The following CSPP1 variants were observed in gnomAD, a reference collection of about 807,000 sequenced individuals.
The protein encoded by CSPP1 is centrosome and spindle pole-associated protein 1.
Under a neutral mutation model 164.4 loss-of-function variants are expected in CSPP1, and 126 were observed. That is an observed-to-expected ratio of 0.77 (90% CI 0.66 to 0.89). The LOEUF is 0.89. Among genes scored for constraint, CSPP1 ranks in the 40% least tolerant of loss-of-function variants. The probability of loss-of-function intolerance (pLI) is 0.00; values close to 1 mark genes in which losing one functional copy is unlikely to be tolerated. For missense variants in CSPP1, 1,395 were observed against 1,449.8 expected (o/e 0.96, Z 0.61); for synonymous variants, 472 against 476.7 (o/e 0.99, Z 0.13).
At chr8:67,158,694 G>A in intron 20 of CSPP1, 98 bp downstream of exon 20, 1 of 1,401,042 alleles carries the variant, frequency 7.1e-7, no homozygotes, top group Non-Finnish European at 9.5e-7. Flanking sequence ...AACAGTGTTG[G>A]AGTACATTTA....
chr8:67,149,454 T>C (rs1234236246), intron 17 of CSPP1, among the ~76,000 whole-genome samples: 2 of 152,202 alleles, frequency 1.3e-5, no homozygotes, highest in Non-Finnish European at 2.9e-5. Context: ...ATGAGTTGTT[T>C]TAAATTGTTG....
At chr8:67,135,904 C>T (rs1822159943) in intron 16 of CSPP1, 1 of 152,186 alleles carries the variant, frequency 6.6e-6, no homozygotes, top group South Asian at 2.1e-4. Flanking sequence ...CAAACACTTA[C>T]ATGCCATTGT....
rs1837816974 is a variant in CSPP1, at chr8:67,195,755, AAAAG to A, written c.*163_*166del. On this transcript the variant is annotated 3_prime_UTR_variant, in exon 31 of 31. Transcript: ENST00000678616. ...CATGATGTATATTATGTACATAAAT[AAAAG>A]GCCATGATTATTGATTTATATAATA... The A allele has an allele frequency of 3.3e-6, 2 of 607,798 alleles. No homozygotes were observed. The highest frequency in any genetic ancestry group is 5.9e-6 in the Non-Finnish European group (2 of 339,182). The allele number at this position is 607,798 out of a possible 1,614,324, so 37.7% of individuals were successfully genotyped here. A position where few individuals can be genotyped will look rare whatever the true frequency, so the allele number is the denominator to read the frequency against.
intron 28 of CSPP1, among the ~76,000 whole-genome samples, chr8:67,181,338 ATTTTTTTT>A (rs58029238): frequency 5.3e-5 from 6 of 112,642 alleles, no homozygotes; most frequent in South Asian, 2.9e-4. Context: ...GTACCTGGCC[ATTTTTTTT>A]TTTTTTTTTT....
rs34484092 is a variant in CSPP1 at position 67,122,874 on chromosome 8, C to CTGTG, written c.1697+4071_1697+4074dup. 2.7e-4 allele frequency among the ~76,000 whole-genome samples: 40 copies of CTGTG among 149,372 alleles called. No individual in the cohort carries two copies. In the South Asian group the frequency reaches 2.8e-3, roughly 10 times the overall value. On this transcript the variant is annotated intron_variant, in intron 15 of 30. Transcript: ENST00000678616. ...GTGTGTTCTGATATACAGTCTTGCT[C>CTGTG]TGTGTGTGTGTGTGTGTGTGTTTGT...
intron 26 of CSPP1, 105 bp from the exon 27 acceptor site, chr8:67,177,575 G>C (rs1273157849): frequency 1.4e-6 from 1 of 708,594 alleles, no homozygotes. Context: ...TAGTTGAAAA[G>C]TAATTTCCAG....
At chr8:67,177,070 C>CA (rs36084458) in intron 26 of CSPP1, among the ~76,000 whole-genome samples, 4,936 of 50,070 alleles carry the variant, frequency 0.099, 272 homozygotes, top group Non-Finnish European at 0.12. Flanking sequence ...GACTTAGTCT[C>CA]AAAAAAAAAA....
chr8:67,104,070 A>G (rs984783473), intron 8 of CSPP1, among the ~76,000 whole-genome samples: 14 of 152,124 alleles, frequency 9.2e-5, no homozygotes, highest in African/African-American at 3.4e-4. Flanking sequence ...TGTGTCGTAC[A>G]TAAGGATAAA....
chr8:67,123,179 G>A (rs944447783), intron 15 of CSPP1: 1 of 152,214 alleles, frequency 6.6e-6, no homozygotes, highest in African/African-American at 2.4e-5. Flanking sequence ...ATATAGCCAT[G>A]AGCCACCACA....
chr8:67,173,762 C>CAA (rs1347865712), intron 25 of CSPP1: 1 of 152,136 alleles, frequency 6.6e-6, no homozygotes, highest in Admixed American at 6.6e-5. Context: ...TTTATGCTAT[C>CAA]AAATATTGAT....
intron 1 of CSPP1, among the ~76,000 whole-genome samples, chr8:67,066,345 T>C (rs1417094460): frequency 6.6e-6 from 1 of 152,146 alleles, no homozygotes; most frequent in African/African-American, 2.4e-5. Context: ...ATTCGGTAGA[T>C]GGATCTCTGG....
Position 67,190,688 on chromosome 8 carries a change from G to C in CSPP1, c.3259G>C (p.Val1087Leu). ...GACATATCCTGCCATTGAAGATGACGTCCTCCCTCCACCATCACAGTTGCC... is the reference window on the plus strand; with the variant it reads ...GACATATCCTGCCATTGAAGATGACCTCCTCCCTCCACCATCACAGTTGCC... The part of the protein sequence containing the change: ...GETYPAIEDD[V>L]LPPPSQLPSA... Residue 1087 changes from valine to leucine, a missense_variant, in exon 29 of 31, where the codon GTC becomes CTC. By Grantham distance (32) the Val-to-Leu change is conservative. Coordinates refer to ENST00000678616, the MANE Select transcript of CSPP1 (RefSeq NM_001382391.1). The C allele has an allele frequency of 6.2e-7, 1 of 1,614,088 alleles. No individual in the cohort carries two copies.
chr8:67,098,975 A>T (rs1282595890), intron 7 of CSPP1, among the ~76,000 whole-genome samples: 4 of 149,846 alleles, frequency 2.7e-5, no homozygotes, highest in Admixed American at 6.6e-5. Context: ...TTTTTTTTTT[A>T]AAGATTAACA....
At chr8:67,110,362 T>C (rs1180010124) in intron 9 of CSPP1, among the ~76,000 whole-genome samples, 1 of 152,184 alleles carries the variant, frequency 6.6e-6, no homozygotes, top group African/African-American at 2.4e-5. Flanking sequence ...GAGAATAGTT[T>C]AGTCTTACTA....
intron 3 of CSPP1, among the ~76,000 whole-genome samples, chr8:67,081,249 T>C (rs1470185632): frequency 7.5e-6 from 1 of 132,594 alleles, no homozygotes; most frequent in East Asian, 2.0e-4. Context: ...TCGTGTAAAC[T>C]ATTAGGTGTG....
intron 30 of CSPP1, among the ~76,000 whole-genome samples, chr8:67,195,121 C>T (rs1015935559): frequency 7.2e-5 from 11 of 152,152 alleles, no homozygotes; most frequent in Non-Finnish European, 1.2e-4. Context: ...TAGAATCCCT[C>T]TGGTTGCTAG....
At chr8:67,086,198 A>G in intron 4 of CSPP1, 88 bp downstream of exon 4, 1 of 783,432 alleles carries the variant, frequency 1.3e-6, no homozygotes, top group Non-Finnish European at 2.3e-6. Flanking sequence ...ATATGTGTTA[A>G]TTTTTAGGTT....
chr8:67,115,035 T>C (rs1486543315), intron 12 of CSPP1: 1 of 152,250 alleles, frequency 6.6e-6, no homozygotes, highest in Admixed American at 6.5e-5. Context: ...AAAAAAAGTT[T>C]TATTGCAGCA....
Position 67,167,902 on chromosome 8 carries a change from G to A in CSPP1, c.2828+3394G>A, listed in dbSNP as rs1045206535. ...TCACTTCCCAGACGGGGTGGCGGCC[G>A]GGCAGAGGCTGCAATCTTGGCACTT... is the stretch of plus-strand genomic sequence containing the variant. On this transcript the variant is annotated intron_variant, in intron 24 of 30. Transcript: ENST00000678616. Among the ~76,000 whole-genome samples the A allele has an allele frequency of 3.9e-5, 6 of 152,180 alleles. No homozygotes were observed. The South Asian group carries it at 6.2e-4, about 16-fold the overall frequency.
Sources: gnomAD v4.1 joint callset for allele counts (sites outside exome capture counted in the v4.1 genomes callset) on GRCh38, gnomAD v4.1.1 for gene constraint, MANE v1.5 for transcripts, NCBI Gene and HGNC (gene_info 2026-07-23, HGNC 2026-07-21) for gene names.